PDE10A: variants seen among roughly 807,000 people sequenced by gnomAD.
PDE10A encodes cAMP and cAMP-inhibited cGMP 3',5'-cyclic phosphodiesterase 10A.
A neutral mutation model predicts 97.7 loss-of-function variants in PDE10A; 39 were observed. The observed-to-expected ratio is 0.40, with a 90% CI of 0.31 to 0.52. PDE10A has a LOEUF of 0.52. Among genes scored for constraint, PDE10A ranks in the 20% least tolerant of loss-of-function variants. The pLI is 0.56. For synonymous variants in PDE10A, 371 were observed against 376.8 expected, an observed-to-expected ratio of 0.98 and a Z score of 0.18; for missense variants, 731 against 1,047.8, an observed-to-expected ratio of 0.70 and a Z score of 4.17.
chr6:165,515,164 C>G (rs975558461), intron 2 of PDE10A, among the ~76,000 whole-genome samples: 1 of 152,138 alleles, frequency 6.6e-6, no homozygotes, highest in African/African-American at 2.4e-5. Flanking sequence ...TTTTCAGAAG[C>G]TACTTAATGC....
chr6:165,459,495 AG>A (rs1778165955), intron 3 of PDE10A, among the ~76,000 whole-genome samples: 1 of 37,036 alleles, frequency 2.7e-5, no homozygotes, highest in South Asian at 1.3e-3. Flanking sequence ...TGCATTAGAT[AG>A]ATAGATAGAT....
chr6:165,691,432 C>T (rs1346799304), intron 1 of PDE10A, among the ~76,000 whole-genome samples: 2 of 152,132 alleles, frequency 1.3e-5, no homozygotes, highest in Non-Finnish European at 1.5e-5. Flanking sequence ...ACCATAGACC[C>T]TGTGTGTGTA....
At chr6:165,396,570 A>G in intron 13 of PDE10A, 111 bp from the exon 14 acceptor site, 1 of 1,034,230 alleles carries the variant, frequency 9.7e-7, no homozygotes, top group Non-Finnish European at 1.4e-6. Context: ...AATTAAAACC[A>G]AAGTGGATTT....
intron 1 of PDE10A, among the ~76,000 whole-genome samples, chr6:165,723,572 G>A (rs927691886): frequency 6.3e-4 from 96 of 152,306 alleles, no homozygotes; most frequent in African/African-American, 2.1e-3. Flanking sequence ...CTGCTGGGCC[G>A]TGTGAATTCT....
chr6:165,725,064 C>T (rs1792258982), intron 1 of PDE10A, among the ~76,000 whole-genome samples: 1 of 152,168 alleles, frequency 6.6e-6, no homozygotes, highest in African/African-American at 2.4e-5. Flanking sequence ...TGAGGGTGGT[C>T]AGAGGAGAGT....
intron 3 of PDE10A, among the ~76,000 whole-genome samples, chr6:165,468,080 T>A (rs1778764529): frequency 1.3e-5 from 2 of 152,222 alleles, no homozygotes; most frequent in Middle Eastern, 3.4e-3. Context: ...TACATAATTT[T>A]ATTTATTTTG....
At chr6:165,977,784 T>C (rs1336018950) in intron 1 of PDE10A, among the ~76,000 whole-genome samples, 1 of 152,192 alleles carries the variant, frequency 6.6e-6, no homozygotes, top group African/African-American at 2.4e-5. Context: ...ACTAAAGGCA[T>C]GTACAAAAAT....
intron 1 of PDE10A, among the ~76,000 whole-genome samples, chr6:165,601,616 C>T (rs1002818442): frequency 6.6e-6 from 1 of 152,100 alleles, no homozygotes; most frequent in African/African-American, 2.4e-5. Context: ...CTTTAGATGC[C>T]ACAGCCCCCT....
chr6:165,907,371 C>A (rs1199627542), intron 1 of PDE10A, among the ~76,000 whole-genome samples: 1 of 152,192 alleles, frequency 6.6e-6, no homozygotes, highest in Admixed American at 6.5e-5. Flanking sequence ...GAGGGGTGGG[C>A]GAGAGCCTCC....
intron 1 of PDE10A, among the ~76,000 whole-genome samples, chr6:165,968,894 T>C (rs1357533978): frequency 6.6e-6 from 1 of 152,188 alleles, no homozygotes; most frequent in Non-Finnish European, 1.5e-5. Flanking sequence ...CACCCTGTGG[T>C]CAATGGGAAT....
chr6:165,697,682 G>A (rs1791472740), intron 1 of PDE10A, among the ~76,000 whole-genome samples: 1 of 152,158 alleles, frequency 6.6e-6, no homozygotes. Flanking sequence ...AAGATAGAAA[G>A]TAGAATGGAG....
At chr6:165,747,345 G>A (rs972981891) in intron 1 of PDE10A, among the ~76,000 whole-genome samples, 19 of 152,184 alleles carry the variant, frequency 1.2e-4, no homozygotes, top group African/African-American at 4.3e-4. Flanking sequence ...AGCCTCCACC[G>A]GCTCACAAGG....
chr6:165,966,863 T>G, intron 1 of PDE10A, among the ~76,000 whole-genome samples: 1 of 151,422 alleles, frequency 6.6e-6, no homozygotes, highest in East Asian at 1.9e-4. Context: ...CTGCACACAA[T>G]AAGTCAAGAG....
chr6:165,334,215 G>C (rs1392096121), intron 21 of PDE10A, among the ~76,000 whole-genome samples: 1 of 152,232 alleles, frequency 6.6e-6, no homozygotes, highest in Non-Finnish European at 1.5e-5. Context: ...GAATGAGGCA[G>C]AGCTGCCCAC....
chr6:165,699,443 G>GAAAA, intron 1 of PDE10A, among the ~76,000 whole-genome samples: 1 of 152,116 alleles, frequency 6.6e-6, no homozygotes, highest in East Asian at 1.9e-4. Flanking sequence ...TGAGACAGAA[G>GAAAA]ATCAGATCAA....
intron 1 of PDE10A, among the ~76,000 whole-genome samples, chr6:165,749,857 A>G (rs1241083493): frequency 6.6e-6 from 1 of 152,224 alleles, no homozygotes; most frequent in Non-Finnish European, 1.5e-5. Flanking sequence ...TTCTTTCCTT[A>G]GTATTTATTA....
intron 1 of PDE10A, among the ~76,000 whole-genome samples, chr6:165,725,742 G>C (rs749627383): frequency 6.6e-6 from 1 of 152,088 alleles, no homozygotes; most frequent in African/African-American, 2.4e-5. Flanking sequence ...TGGAAGTCAC[G>C]TTTGCCTCCC....
intron 1 of PDE10A, chr6:165,909,040 T>C (rs1782382753): frequency 6.6e-6 from 1 of 152,070 alleles, no homozygotes; most frequent in Non-Finnish European, 1.5e-5. Flanking sequence ...AAAATGGCAA[T>C]GAAGATCTGG....
intron 1 of PDE10A, among the ~76,000 whole-genome samples, chr6:165,976,845 G>C (rs1019830508): frequency 2.0e-5 from 3 of 152,080 alleles, no homozygotes; most frequent in Non-Finnish European, 2.9e-5. Context: ...GGCCCTCCTC[G>C]GGCTGTGCGC....
Sources: gnomAD v4.1 joint callset for allele counts (sites outside exome capture counted in the v4.1 genomes callset) on GRCh38, gnomAD v4.1.1 for gene constraint, MANE v1.5 for transcripts, NCBI Gene and HGNC (gene_info 2026-07-23, HGNC 2026-07-21) for gene names.